The following NRG3 variants were observed in gnomAD, a reference collection of about 807,000 sequenced individuals.
NRG3 encodes the protein neuregulin 3.
NRG3 carries 31 observed loss-of-function variants against 66.9 expected under a neutral mutation model. That is an observed-to-expected ratio of 0.46 (90% CI 0.35 to 0.63). The LOEUF (loss-of-function observed/expected upper bound fraction) is 0.63, where lower values mean the gene tolerates loss of function less well. Among genes scored for constraint, NRG3 ranks in the 20% least tolerant of loss-of-function variants. The pLI is 0.00. For missense variants in NRG3, 910 were observed against 878.9 expected, an observed-to-expected ratio of 1.04 and a Z score of -0.45; for synonymous variants, 393 against 359.4, an observed-to-expected ratio of 1.09 and a Z score of -1.06.
At chr10:81,964,395 C>CAAAAAAAAAAAAAAAAAAAAA (rs58231167) in intron 1 of NRG3, among the ~76,000 whole-genome samples, 1 of 65,848 alleles carries the variant, frequency 1.5e-5, no homozygotes, top group Non-Finnish European at 3.2e-5. Context: ...GACTCTGTCT[C>CAAAAAAAAAAAAAAAAAAAAA]AAAAAAAAAA....
intron 2 of NRG3, among the ~76,000 whole-genome samples, chr10:82,376,663 C>T (rs1250207423): frequency 1.3e-5 from 2 of 152,178 alleles, no homozygotes; most frequent in Non-Finnish European, 2.9e-5. Context: ...GCATATTTCC[C>T]CATGGCTACA....
chr10:81,982,561 G>A (rs1264949282), intron 1 of NRG3, among the ~76,000 whole-genome samples: 1 of 152,160 alleles, frequency 6.6e-6, no homozygotes, highest in Admixed American at 6.5e-5. Context: ...ATTTTCTCAT[G>A]GTTAGGAGAC....
At chr10:82,920,759 A>T (rs1304294010) in intron 4 of NRG3, among the ~76,000 whole-genome samples, 1 of 152,150 alleles carries the variant, frequency 6.6e-6, no homozygotes, top group Non-Finnish European at 1.5e-5. Flanking sequence ...TAATATTCAG[A>T]AGCCAACTGG....
intron 1 of NRG3, among the ~76,000 whole-genome samples, chr10:81,910,144 G>A (rs948164346): frequency 2.6e-5 from 4 of 152,180 alleles, no homozygotes; most frequent in Non-Finnish European, 5.9e-5. Flanking sequence ...ATTTACCCTA[G>A]AATCCTGTAG....
chr10:82,784,221 A>G (rs2060245395), intron 3 of NRG3, among the ~76,000 whole-genome samples: 1 of 152,126 alleles, frequency 6.6e-6, no homozygotes, highest in Non-Finnish European at 1.5e-5. Flanking sequence ...GATGGATTAA[A>G]GACTTAAACG....
At chr10:81,981,061 A>T (rs1461191257) in intron 1 of NRG3, among the ~76,000 whole-genome samples, 1 of 152,098 alleles carries the variant, frequency 6.6e-6, no homozygotes, top group African/African-American at 2.4e-5. Flanking sequence ...TGACTTTTGG[A>T]TCTCCAAAAT....
intron 1 of NRG3, among the ~76,000 whole-genome samples, chr10:82,024,652 A>T (rs1383137566): frequency 6.6e-6 from 1 of 151,992 alleles, no homozygotes; most frequent in Non-Finnish European, 1.5e-5. Context: ...CCAGGGACTG[A>T]TTCAGTCCCA....
At chr10:81,895,037 C>T (rs560256585) in intron 1 of NRG3, among the ~76,000 whole-genome samples, 2 of 152,274 alleles carry the variant, frequency 1.3e-5, no homozygotes, top group South Asian at 4.2e-4. Flanking sequence ...CTGTAGCTCC[C>T]TGTTTTTTGG....
chr10:81,994,652 A>G (rs182390055), intron 1 of NRG3, among the ~76,000 whole-genome samples: 4 of 152,220 alleles, frequency 2.6e-5, no homozygotes, highest in South Asian at 2.1e-4. Context: ...GATCAAGAAT[A>G]TGCTGGGTGC....
At chr10:82,670,796 CT>C (rs2053209623) in intron 2 of NRG3, among the ~76,000 whole-genome samples, 1 of 152,136 alleles carries the variant, frequency 6.6e-6, no homozygotes, top group African/African-American at 2.4e-5. Flanking sequence ...TTAGCAGAGA[CT>C]GGGAGATCCA....
chr10:82,488,939 T>C (rs1842892944), intron 2 of NRG3, among the ~76,000 whole-genome samples: 1 of 152,230 alleles, frequency 6.6e-6, no homozygotes, highest in African/African-American at 2.4e-5. Context: ...GAAATTTCAG[T>C]TGGGATCACT....
At chr10:82,715,761 C>A (rs556013918) in intron 2 of NRG3, among the ~76,000 whole-genome samples, 32 of 152,282 alleles carry the variant, frequency 2.1e-4, no homozygotes, top group African/African-American at 7.0e-4. Context: ...TTCAAAGTAT[C>A]ATAGACCAGT....
At chr10:82,761,886 CCTTT>C (rs960509390) in intron 3 of NRG3, among the ~76,000 whole-genome samples, 11 of 149,108 alleles carry the variant, frequency 7.4e-5, no homozygotes, top group East Asian at 2.0e-4. Flanking sequence ...CTTCTTTCTT[CCTTT>C]CTTCCTTCCG....
chr10:82,602,453 T>C (rs1199713247), intron 2 of NRG3, among the ~76,000 whole-genome samples: 1 of 152,020 alleles, frequency 6.6e-6, no homozygotes, highest in African/African-American at 2.4e-5. Flanking sequence ...TGGAAATTCT[T>C]ATACATAGAT....
chr10:81,997,847 A>AC, intron 1 of NRG3, among the ~76,000 whole-genome samples: 1 of 136,850 alleles, frequency 7.3e-6, no homozygotes, highest in South Asian at 2.4e-4. Context: ...TCTGCCCCCC[A>AC]CCCCCCACCA....
chr10:81,979,670 C>T (rs771030397), intron 1 of NRG3, among the ~76,000 whole-genome samples: 1 of 152,144 alleles, frequency 6.6e-6, no homozygotes, highest in African/African-American at 2.4e-5. Flanking sequence ...ACAACCTGAG[C>T]CATCCCCAGG....
intron 1 of NRG3, among the ~76,000 whole-genome samples, chr10:82,171,878 A>G (rs2072643502): frequency 6.6e-6 from 1 of 152,136 alleles, no homozygotes; most frequent in East Asian, 1.9e-4. Context: ...CCTATATCTT[A>G]TAAGATCTTA....
chr10:82,282,696 G>A (rs2079189438), intron 1 of NRG3, among the ~76,000 whole-genome samples: 1 of 151,756 alleles, frequency 6.6e-6, no homozygotes, highest in Admixed American at 6.5e-5. Flanking sequence ...ACAAAGGTAT[G>A]TATGCATCCT....
chr10:82,834,940 C>T (rs906033668), intron 3 of NRG3, among the ~76,000 whole-genome samples: 4 of 152,178 alleles, frequency 2.6e-5, no homozygotes, highest in African/African-American at 9.6e-5. Flanking sequence ...TCAATCTGGT[C>T]CTCCTTCATT....
Sources: gnomAD v4.1 joint callset for allele counts (sites outside exome capture counted in the v4.1 genomes callset) on GRCh38, gnomAD v4.1.1 for gene constraint, MANE v1.5 for transcripts, NCBI Gene and HGNC (gene_info 2026-07-23, HGNC 2026-07-21) for gene names.